GIMAP5: variants seen among roughly 807,000 people sequenced by gnomAD.
The protein encoded by GIMAP5 is GTPase IMAP family member 5.
Under a neutral mutation model 9.9 loss-of-function variants are expected in GIMAP5, and 8 were observed. That is an observed-to-expected ratio of 0.81 (90% CI 0.47 to 1.45). GIMAP5 has a LOEUF of 1.45. Ranked by LOEUF, GIMAP5 falls within the 40% of genes most tolerant of loss-of-function variation. The probability of loss-of-function intolerance (pLI) is 0.00; values close to 1 mark genes in which losing one functional copy is unlikely to be tolerated. For missense variants in GIMAP5, 353 were observed against 367.4 expected, an observed-to-expected ratio of 0.96 and a Z score of 0.32; for synonymous variants, 174 against 151.4, an observed-to-expected ratio of 1.15 and a Z score of -1.09.
chr7:150,738,019 C>T (rs1797541289), intron 1 of GIMAP5: 3 of 396,698 alleles, frequency 7.6e-6, no homozygotes, highest in African/African-American at 2.0e-5. Flanking sequence ...TGAACTGATC[C>T]TCTCATCAGT....
At position 150,743,368 on chromosome 7, in the gene GIMAP5, A is replaced by C. The variant is rs1797633952; in HGVS notation, c.*305A>C. The C allele has an allele frequency of 6.6e-6, 2 of 304,448 alleles. No homozygotes were observed. The allele number at this position is 304,448 out of a possible 1,614,324, so 18.9% of individuals were successfully genotyped here. ...AGGTGGGGATGGAAGATCTCTCCTT[A>C]GATAGAACCTGTCTTCCTCCCTGGC... On this transcript the variant is annotated 3_prime_UTR_variant, in exon 3 of 3. Transcript: ENST00000358647.
chr7:150,738,663 C>G (rs891377350), intron 1 of GIMAP5: 1 of 152,252 alleles, frequency 6.6e-6, no homozygotes, highest in South Asian at 2.1e-4. Context: ...CTTCCAATCT[C>G]TCATGAACTT....
At chr7:150,741,725 C>T (rs1585234503) in intron 2 of GIMAP5, among the ~76,000 whole-genome samples, 1 of 152,328 alleles carries the variant, frequency 6.6e-6, no homozygotes, top group East Asian at 1.9e-4. Context: ...CCTCCTTGAC[C>T]CTCAAGACTT....
In GIMAP5 at chr7:150,737,419, A is replaced by G. The variant is rs561605064; in HGVS notation, c.-296A>G. ...GCTGGTTTTCAGGGTCTTGTTCCCA[A>G]TCAGTTTCCAGCCAACACCAGGGTG... On this transcript the variant is annotated 5_prime_UTR_variant, in exon 1 of 3. Coordinates refer to ENST00000358647, the MANE Select transcript of GIMAP5 (RefSeq NM_018384.5). 1.8e-5 allele frequency: 19 copies of G among 1,057,572 alleles called. No homozygotes were observed. The highest frequency in any genetic ancestry group is 4.5e-4 in the Middle Eastern group (2 of 4,420). 65.5% of individuals were successfully genotyped at this position (1,057,572 alleles called of 1,614,324 possible).
chr7:150,742,856 G>C lies in GIMAP5; in HGVS notation c.717G>C (p.Gln239His), dbSNP rs72650696. The C allele has an allele frequency of 6.2e-7, 1 of 1,614,178 alleles. No homozygotes were observed. The highest frequency in any genetic ancestry group is 8.5e-7 in the Non-Finnish European group (1 of 1,180,028). Residue 239 changes from glutamine (Q) to histidine (H), a missense_variant, in exon 3 of 3, where the codon CAG (glutamine) becomes CAC (histidine). Gln to His is a conservative substitution (Grantham distance 24, BLOSUM62 0). Coordinates refer to ENST00000358647, the MANE Select transcript of GIMAP5 (RefSeq NM_018384.5). Reference sequence around the variant, plus strand: ...AAAGAACTGGAGCTGGGGCCTGCCAGGAAGACTACAGGCAGTACCAGGCCA... The same window carrying C: ...AAAGAACTGGAGCTGGGGCCTGCCACGAAGACTACAGGCAGTACCAGGCCA... ...LLQRTGAGACQEDYRQYQAKV... is the reference protein window; with the variant it reads ...LLQRTGAGACHEDYRQYQAKV...
chr7:150,741,953 C>T (rs1393997980), intron 2 of GIMAP5, among the ~76,000 whole-genome samples: 2 of 152,164 alleles, frequency 1.3e-5, no homozygotes, highest in Non-Finnish European at 2.9e-5. Context: ...TTAAAGCATC[C>T]CCTTAATGCA....
chr7:150,743,278 C>T lies in GIMAP5; in HGVS notation c.*215C>T. The T allele has an allele frequency of 3.5e-6, 2 of 572,192 alleles. No homozygotes were observed. Among genetic ancestry groups the T allele is most frequent in the Non-Finnish European group, 6.0e-6 (2 of 333,926 alleles). 35.4% of individuals were successfully genotyped at this position (572,192 alleles called of 1,614,324 possible). On this transcript the variant is annotated 3_prime_UTR_variant, in exon 3 of 3. Transcript: ENST00000358647. ...AACACTATTCCACTCTGTCTGCCAA[C>T]AACTGCTTCAGGAATGGGCCTGAGA... is the stretch of plus-strand genomic sequence containing the variant.
In GIMAP5 at chr7:150,742,671, C is replaced by A; in HGVS notation, c.532C>A (p.Arg178=). The A allele has an allele frequency of 1.2e-6, 2 of 1,614,160 alleles. No homozygotes were observed. The highest frequency in any genetic ancestry group is 1.7e-6 in the Non-Finnish European group (2 of 1,180,038). ...CAACTGCAGCCTGAAAGACCTGGTG[C>A]GGGAGTGTGAGAGAAGGTACTGTGC... ...TDNCSLKDLV[R]ECERRYCAFN... The change falls in exon 3 of 3, where the codon CGG becomes AGG. Residue 178 remains arginine, a synonymous_variant. Transcript: ENST00000358647.
intron 1 of GIMAP5, chr7:150,739,086 T>G (rs534282474): frequency 1.3e-5 from 2 of 152,334 alleles, no homozygotes; most frequent in Admixed American, 1.3e-4. Flanking sequence ...CCACCAGCAA[T>G]TTTATTTTTG....
At chr7:150,739,604 G>A (rs757013681) in intron 1 of GIMAP5, 3 of 152,114 alleles carry the variant, frequency 2.0e-5, no homozygotes, top group Non-Finnish European at 2.9e-5. Flanking sequence ...AGGATGTCAG[G>A]GAACTGGTGC....
Position 150,737,455 on chromosome 7 carries a change from C to T in GIMAP5, c.-260C>T. On this transcript the variant is annotated 5_prime_UTR_variant, in exon 1 of 3. Coordinates refer to ENST00000358647, the MANE Select transcript of GIMAP5 (RefSeq NM_018384.5). Reference sequence around the variant, plus strand: ...GCCAACACCAGGGTGTCCTAGTCCGCAGAGGTGTGGGGGACACACTCCATA... The same window carrying T: ...GCCAACACCAGGGTGTCCTAGTCCGTAGAGGTGTGGGGGACACACTCCATA... 7.0e-7 allele frequency: 1 copy of T among 1,426,178 alleles called. No homozygotes were observed. The highest frequency in any genetic ancestry group is 9.5e-7 in the Non-Finnish European group (1 of 1,048,308). The allele number at this position is 1,426,178 out of a possible 1,614,324, so 88.3% of individuals were successfully genotyped here.
Position 150,742,524 on chromosome 7 carries a change from G to C in GIMAP5, c.385G>C (p.Val129Leu). The change falls in exon 3 of 3, where the codon GTG (valine) becomes CTG (leucine). Residue 129 changes from valine to leucine, a missense_variant. By Grantham distance (32) the Val-to-Leu change is conservative (BLOSUM62 1). Transcript: ENST00000358647. The part of the protein sequence containing the change: ...QLGRFTAQDT[V>L]AIRKVKEVFG... ...GGGGCGTTTCACTGCTCAGGACACA[G>C]TGGCCATCAGGAAGGTGAAAGAGGT... is the stretch of plus-strand genomic sequence containing the variant. The C allele has an allele frequency of 1.2e-6, 2 of 1,614,224 alleles. No homozygotes were observed. Among genetic ancestry groups the C allele is most frequent in the South Asian group, 2.2e-5 (2 of 91,082 alleles).
At chr7:150,742,073 C>T (rs1371932478) in intron 2 of GIMAP5, 110 bp from the exon 3 acceptor site, 1 of 1,289,614 alleles carries the variant, frequency 7.8e-7, no homozygotes, top group East Asian at 2.4e-5. Flanking sequence ...ATAAATATGT[C>T]TGTCATTCTG....
chr7:150,737,436 A>G lies in GIMAP5; in HGVS notation c.-279A>G. On this transcript the variant is annotated 5_prime_UTR_variant, in exon 1 of 3. Transcript: ENST00000358647. Reference sequence around the variant, plus strand: ...TGTTCCCAATCAGTTTCCAGCCAACACCAGGGTGTCCTAGTCCGCAGAGGT... The same window carrying G: ...TGTTCCCAATCAGTTTCCAGCCAACGCCAGGGTGTCCTAGTCCGCAGAGGT... 4.0e-6 allele frequency: 5 copies of G among 1,259,774 alleles called. No homozygotes were observed. Among genetic ancestry groups the G allele is most frequent in the Non-Finnish European group, 5.6e-6 (5 of 900,502 alleles). 78.0% of individuals were successfully genotyped at this position (1,259,774 alleles called of 1,614,324 possible). A position where few individuals can be genotyped will look rare whatever the true frequency, so the allele number is the denominator to read the frequency against.
At chr7:150,740,175 A>G (rs1317316825) in intron 1 of GIMAP5, 1 of 152,282 alleles carries the variant, frequency 6.6e-6, no homozygotes, top group Non-Finnish European at 1.5e-5. Flanking sequence ...ATACTGTTGC[A>G]CAATGCTGGA....
At chr7:150,742,056 T>C in intron 2 of GIMAP5, 127 bp from the exon 3 acceptor site, 2 of 1,159,540 alleles carry the variant, frequency 1.7e-6, no homozygotes, top group African/African-American at 3.1e-5. Flanking sequence ...CACACTTTTA[T>C]GTACACATAA....
chr7:150,737,979 G>A (rs1414168685), intron 1 of GIMAP5: 4 of 508,600 alleles, frequency 7.9e-6, no homozygotes, highest in Non-Finnish European at 1.4e-5. Context: ...TAGCCAAGTC[G>A]ATCTCCATGA....
chr7:150,737,608 C>A lies in GIMAP5; in HGVS notation c.-107C>A, dbSNP rs1388091497. The A allele has an allele frequency of 1.3e-6, 2 of 1,535,466 alleles. No individual in the cohort carries two copies. Among genetic ancestry groups the A allele is most frequent in the Non-Finnish European group, 1.7e-6 (2 of 1,146,676 alleles). On this transcript the variant is annotated 5_prime_UTR_variant, in exon 1 of 3. Coordinates refer to ENST00000358647, the MANE Select transcript of GIMAP5 (RefSeq NM_018384.5). ...AGCATCCCCGCACACAGACGCAGAG[C>A]AGGACTCTCTCTGCTGCCACTTCAC...
Position 150,737,456 on chromosome 7 carries a change from A to G in GIMAP5, c.-259A>G, listed in dbSNP as rs1315667243. 7.0e-7 allele frequency: 1 copy of G among 1,422,990 alleles called. No homozygotes were observed. Among genetic ancestry groups the G allele is most frequent in the South Asian group, 1.2e-5 (1 of 81,382 alleles). 88.1% of individuals were successfully genotyped at this position (1,422,990 alleles called of 1,614,324 possible). On this transcript the variant is annotated 5_prime_UTR_variant, in exon 1 of 3. Coordinates refer to ENST00000358647, the MANE Select transcript of GIMAP5 (RefSeq NM_018384.5). Reference sequence around the variant, plus strand: ...CCAACACCAGGGTGTCCTAGTCCGCAGAGGTGTGGGGGACACACTCCATAA... The same window carrying G: ...CCAACACCAGGGTGTCCTAGTCCGCGGAGGTGTGGGGGACACACTCCATAA...
Sources: allele counts gnomAD v4.1 joint callset (sites outside exome capture counted in the v4.1 genomes callset), GRCh38; gene constraint gnomAD v4.1.1; transcripts MANE v1.5; gene names NCBI Gene and HGNC (gene_info 2026-07-23, HGNC 2026-07-21).